NKD2: variants seen among roughly 807,000 people sequenced by gnomAD.
The protein encoded by NKD2 is protein naked cuticle homolog 2.
Under a neutral mutation model 34.8 loss-of-function variants are expected in NKD2, and 43 were observed. The ratio of observed to expected loss-of-function variants is 1.24; its 90% CI spans 0.97 to 1.60. The LOEUF is 1.60. Among genes scored for constraint, NKD2 ranks in the 40% most tolerant of loss-of-function variants. The probability of loss-of-function intolerance (pLI) is 0.00; values close to 1 mark genes in which losing one functional copy is unlikely to be tolerated. For synonymous variants in NKD2, 278 were observed against 265.1 expected, an observed-to-expected ratio of 1.05 and a Z score of -0.47; for missense variants, 675 against 627.1, an observed-to-expected ratio of 1.08 and a Z score of -0.82.
intron 3 of NKD2, among the ~76,000 whole-genome samples, chr5:1,016,312 G>A (rs891115537): frequency 1.3e-5 from 2 of 152,262 alleles, no homozygotes; most frequent in Non-Finnish European, 2.9e-5. Flanking sequence ...GCAAATACTT[G>A]GCAGGGCACC....
At position 1,038,492 on chromosome 5, in the gene NKD2, A is replaced by G. The variant is rs777682187; in HGVS notation, c.*119A>G. ...GCCCAGCCCCCACCCCCCACCTCCG[A>G]CAGCAAACAGCAACTGACTGCAGGT... On this transcript the variant is annotated 3_prime_UTR_variant, in exon 10 of 10. Coordinates refer to ENST00000296849, the MANE Select transcript of NKD2 (RefSeq NM_033120.4). The surrounding 1 kb of genome is among the most constrained non-coding windows in gnomAD (Gnocchi z 4.5). The G allele has an allele frequency of 6.6e-7, 1 of 1,521,028 alleles. No individual in the cohort carries two copies. The highest frequency in any genetic ancestry group is 1.2e-5 in the South Asian group (1 of 83,638). The allele number at this position is 1,521,028 out of a possible 1,614,324, so 94.2% of individuals were successfully genotyped here. A position where few individuals can be genotyped will look rare whatever the true frequency, so the allele number is the denominator to read the frequency against.
At position 1,009,238 on chromosome 5, in the gene NKD2, G is replaced by A; in HGVS notation, c.61+24G>A. The A allele has an allele frequency of 2.0e-6, 1 of 490,996 alleles. No homozygotes were observed. The highest frequency in any genetic ancestry group is 3.5e-6 in the Non-Finnish European group (1 of 282,504). The allele number at this position is 490,996 out of a possible 1,614,324, so 30.4% of individuals were successfully genotyped here. A position where few individuals can be genotyped will look rare whatever the true frequency, so the allele number is the denominator to read the frequency against. ...AGGTGAGCGGGCGAGCCGACGGGCG[G>A]GGCGGGGGGCGGCGACCCGGCCCGG... On this transcript the variant is annotated intron_variant, in intron 2 of 9. Coordinates refer to ENST00000296849, the MANE Select transcript of NKD2 (RefSeq NM_033120.4). The surrounding 1 kb of genome is among the most constrained non-coding windows in gnomAD (Gnocchi z 6.9).
rs759791538 is a variant in NKD2, at chr5:1,015,905, C to G, written c.141+6345C>G. On this transcript the variant is annotated intron_variant, in intron 3 of 9. Transcript: ENST00000296849. ...GGGGAGGGGTCCCGAGCCCAGGACC[C>G]CTAATCAGTTCCAAGGGCTCCAGAG... is the stretch of plus-strand genomic sequence containing the variant. 1.9e-4 allele frequency among the ~76,000 whole-genome samples: 29 copies of G among 152,208 alleles called. 1 individual carries two copies. The highest frequency in any genetic ancestry group is 3.7e-4 in the Non-Finnish European group (25 of 68,032).
At position 1,034,312 on chromosome 5, in the gene NKD2, C is replaced by T. The variant is rs1037183321; in HGVS notation, c.408C>T (p.Cys136=). 13 of 1,612,544 alleles carry T rather than the reference C, an allele frequency of 8.1e-6. No homozygotes were observed. The highest frequency in any genetic ancestry group is 4.0e-5 in the African/African-American group (3 of 75,010). Residue 136 remains cysteine, a synonymous_variant, in exon 6 of 10, where the codon TGC becomes TGT. Coordinates refer to ENST00000296849, the MANE Select transcript of NKD2 (RefSeq NM_033120.4). ...WTFTLYDFDN[C]GKVTREDMSS... is the part of the protein sequence containing the mutation. ...TCACGCTCTATGACTTTGACAACTG[C>T]GGGAAGGTCACCAGGGAGGTAGGTG...
chr5:1,026,013 C>T (rs199559053), intron 3 of NKD2, among the ~76,000 whole-genome samples: 4 of 58,668 alleles, frequency 6.8e-5, no homozygotes, highest in African/African-American at 1.1e-4. Flanking sequence ...AGCCCATTGT[C>T]CCTGCTCTTC....
intron 6 of NKD2, 25 bp from the exon 7 acceptor site, chr5:1,034,731 C>T (rs1733752630): frequency 6.2e-7 from 1 of 1,601,976 alleles, no homozygotes; most frequent in South Asian, 1.1e-5. Context: ...TCTGCTCTGT[C>T]AGTGAAACTG....
intron 3 of NKD2, among the ~76,000 whole-genome samples, chr5:1,015,066 G>T (rs758941302): frequency 1.3e-5 from 2 of 152,208 alleles, no homozygotes; most frequent in Non-Finnish European, 2.9e-5. Context: ...GCTCCATAAG[G>T]CCAGGCAGCG....
At chr5:1,017,176 G>T (rs1156489583) in intron 3 of NKD2, among the ~76,000 whole-genome samples, 1 of 152,212 alleles carries the variant, frequency 6.6e-6, no homozygotes, top group Non-Finnish European at 1.5e-5. Flanking sequence ...CCTCCCTGCT[G>T]CCCCGGGGAC....
chr5:1,037,712 C>G, intron 9 of NKD2, 93 bp from the exon 10 acceptor site: 1 of 1,548,862 alleles, frequency 6.5e-7, no homozygotes, highest in Non-Finnish European at 8.7e-7. Context: ...GGACCCCTGG[C>G]GCAGCTCTTC....
chr5:1,026,478 A>ACCC (rs1560991570), intron 3 of NKD2, among the ~76,000 whole-genome samples: 3 of 76,754 alleles, frequency 3.9e-5, no homozygotes, highest in African/African-American at 1.5e-4. Context: ...TGCTCTTCCC[A>ACCC]TCTGCTGTGG....
chr5:1,026,232 C>T (rs1756392151), intron 3 of NKD2, among the ~76,000 whole-genome samples: 1 of 32,926 alleles, frequency 3.0e-5, no homozygotes, highest in Non-Finnish European at 1.0e-4. Flanking sequence ...GCTCTTCCCA[C>T]CTGCTAGTGG....
chr5:1,009,420 C>A lies in NKD2; in HGVS notation c.62-61C>A. 7.2e-7 allele frequency: 1 copy of A among 1,390,358 alleles called. No individual in the cohort carries two copies. The highest frequency in any genetic ancestry group is 2.3e-5 in the Admixed American group (1 of 44,164). 86.1% of individuals were successfully genotyped at this position (1,390,358 alleles called of 1,614,324 possible). A position where few individuals can be genotyped will look rare whatever the true frequency, so the allele number is the denominator to read the frequency against. ...GCGAAGGCGCAGCGCCCGCGGGGCT[C>A]ACGGCGCGTCTCTTTCCCTCCTCGG... On this transcript the variant is annotated intron_variant, in intron 2 of 9. Transcript: ENST00000296849. The surrounding 1 kb of genome is among the most constrained non-coding windows in gnomAD (Gnocchi z 6.9).
intron 3 of NKD2, among the ~76,000 whole-genome samples, chr5:1,010,336 G>C (rs1755703519): frequency 6.6e-6 from 1 of 152,194 alleles, no homozygotes; most frequent in South Asian, 2.1e-4. Flanking sequence ...CAGGTGGCCA[G>C]GCCCACACTT....
chr5:1,013,724 C>G lies in NKD2; in HGVS notation c.141+4164C>G, dbSNP rs528389772. Reference sequence around the variant, plus strand: ...GGGAGAGCGTGCTGACTGGGAGAGGCTGCTGCCGGTGCCTGGCCATGAGGT... The same window carrying G: ...GGGAGAGCGTGCTGACTGGGAGAGGGTGCTGCCGGTGCCTGGCCATGAGGT... On this transcript the variant is annotated intron_variant, in intron 3 of 9. Coordinates refer to ENST00000296849, the MANE Select transcript of NKD2 (RefSeq NM_033120.4). Among the ~76,000 whole-genome samples the G allele has an allele frequency of 2.0e-5, 3 of 152,328 alleles. No homozygotes were observed. The South Asian group carries it at 6.2e-4, about 32-fold the overall frequency.
chr5:1,013,549 C>T (rs1444803482), intron 3 of NKD2, among the ~76,000 whole-genome samples: 1 of 152,240 alleles, frequency 6.6e-6, no homozygotes, highest in Non-Finnish European at 1.5e-5. Flanking sequence ...ATGCCCAGCA[C>T]CTGAGAGCCA....
intron 3 of NKD2, among the ~76,000 whole-genome samples, chr5:1,029,560 G>A (rs1174103604): frequency 6.6e-6 from 1 of 152,146 alleles, no homozygotes; most frequent in South Asian, 2.1e-4. Context: ...TCCCCCACAA[G>A]TGCGCTCAGA....
chr5:1,026,706 T>C (rs1756425664), intron 3 of NKD2, among the ~76,000 whole-genome samples: 1 of 152,162 alleles, frequency 6.6e-6, no homozygotes. Context: ...ATCCCAAAGC[T>C]CCCCTCCCTG....
chr5:1,031,565 A>G (rs963614749), intron 3 of NKD2, among the ~76,000 whole-genome samples: 21 of 112,688 alleles, frequency 1.9e-4, no homozygotes, highest in African/African-American at 6.0e-4. Context: ...TGCCCTGACC[A>G]CAGGTCTGTC....
At chr5:1,034,510 G>A (rs939541930) in intron 6 of NKD2, among the ~76,000 whole-genome samples, 180 bp downstream of exon 6, 5 of 152,194 alleles carry the variant, frequency 3.3e-5, no homozygotes, top group East Asian at 1.9e-4. Context: ...CCGAGCCTGC[G>A]CCGCCCATTT....
Sources: gnomAD v4.1 joint callset for allele counts (sites outside exome capture counted in the v4.1 genomes callset) on GRCh38, gnomAD v4.1.1 for gene constraint, Gnocchi (gnomAD v3.1) non-coding constraint, MANE v1.5 for transcripts, NCBI Gene and HGNC (gene_info 2026-07-23, HGNC 2026-07-21) for gene names.